Variants in TUT4 observed in about 807,000 individuals in gnomAD.
TUT4 encodes the protein terminal uridylyl transferase 4.
Under a neutral mutation model 192.2 loss-of-function variants are expected in TUT4, and 36 were observed. The ratio of observed to expected loss-of-function variants is 0.19; its 90% CI spans 0.14 to 0.25. The LOEUF is 0.25. TUT4 is among the 10% of genes least tolerant of loss of function. The pLI is 1.00. For missense variants in TUT4, 1,493 were observed against 1,957.2 expected, an observed-to-expected ratio of 0.76 and a Z score of 4.47; for synonymous variants, 618 against 666.0, an observed-to-expected ratio of 0.93 and a Z score of 1.11.
At chr1:52,447,722 A>C (rs1570380237) in intron 20 of TUT4, among the ~76,000 whole-genome samples, 1 of 152,156 alleles carries the variant, frequency 6.6e-6, no homozygotes, top group Non-Finnish European at 1.5e-5. Context: ...CAGTCAGGAG[A>C]CCTAATTTCT....
upstream of TUT4, chr1:52,553,293 CTCCCT>C (rs1689954272): frequency 1.6e-4 from 24 of 147,582 alleles, no homozygotes; most frequent in Admixed American, 1.6e-3. Context: ...GGGGTGCCCC[CTCCCT>C]TCGTTCGGGG....
Position 52,457,470 on chromosome 1 carries a change from G to A in TUT4, c.3435+866C>T, listed in dbSNP as rs539949391. On this transcript the variant is annotated intron_variant, in intron 20 of 29. Transcript: ENST00000257177. ...AGGATGGTCTCGATCTCTTGACCTCGTGATCTGCCCGCCTCGGCCTCCCAA... is the reference window on the plus strand; with the variant it reads ...AGGATGGTCTCGATCTCTTGACCTCATGATCTGCCCGCCTCGGCCTCCCAA... Among the ~76,000 whole-genome samples, 3 of 152,138 alleles carry A rather than the reference G, an allele frequency of 2.0e-5. No individual in the cohort carries two copies. In the South Asian group the frequency reaches 6.2e-4, roughly 32 times the overall value.
intron 2 of TUT4, among the ~76,000 whole-genome samples, chr1:52,519,814 T>C (rs1181020436): frequency 6.6e-6 from 1 of 152,082 alleles, no homozygotes; most frequent in African/African-American, 2.4e-5. Flanking sequence ...TGGCCTTGAA[T>C]ACTTAGATTT....
chr1:52,428,670 A>C (rs1570099179), intron 28 of TUT4, among the ~76,000 whole-genome samples: 2 of 148,856 alleles, frequency 1.3e-5, no homozygotes, highest in South Asian at 4.3e-4. Flanking sequence ...GGTGGTGCGC[A>C]CCTGTAGTCT....
chr1:52,513,296 GGA>G (rs1290084714), intron 3 of TUT4, among the ~76,000 whole-genome samples: 36 of 150,180 alleles, frequency 2.4e-4, no homozygotes, highest in African/African-American at 6.9e-4. Flanking sequence ...AAGCTACTCG[GGA>G]GACTTAGGTA....
At chr1:52,522,096 A>C (rs893509050) in intron 2 of TUT4, among the ~76,000 whole-genome samples, 26 of 152,358 alleles carry the variant, frequency 1.7e-4, no homozygotes, top group South Asian at 1.2e-3. Context: ...AAGAAGTGCT[A>C]AACAATTACG....
intron 9 of TUT4, among the ~76,000 whole-genome samples, chr1:52,482,534 G>C (rs1668740335): frequency 6.6e-6 from 1 of 152,112 alleles, no homozygotes; most frequent in South Asian, 2.1e-4. Flanking sequence ...CAACCTCCCA[G>C]CCTCAAGTGA....
chr1:52,478,598 T>C (rs17107240), intron 11 of TUT4, among the ~76,000 whole-genome samples: 1,753 of 152,284 alleles, frequency 0.012, 34 homozygotes, highest in African/African-American at 0.04. Context: ...CCCTATACTA[T>C]ACTGCCACCT....
chr1:52,528,482 C>T (rs186072836), intron 1 of TUT4, among the ~76,000 whole-genome samples: 106 of 145,664 alleles, frequency 7.3e-4, no homozygotes, highest in African/African-American at 2.6e-3. Context: ...CAGAGTGAGA[C>T]CCTGTCTCAA....
intron 1 of TUT4, among the ~76,000 whole-genome samples, chr1:52,541,349 T>G (rs1274054029): frequency 6.6e-6 from 1 of 152,078 alleles, no homozygotes; most frequent in Non-Finnish European, 1.5e-5. Context: ...CTGGCCAATG[T>G]GGTGAAACCC....
chr1:52,437,993 A>C (rs186859366), intron 25 of TUT4, among the ~76,000 whole-genome samples: 27 of 152,174 alleles, frequency 1.8e-4, no homozygotes, highest in African/African-American at 6.0e-4. Flanking sequence ...AAAACAAAAA[A>C]AAACTGAGTG....
At chr1:52,434,443 GT>G (rs1219020270) in intron 27 of TUT4, 1 of 152,188 alleles carries the variant, frequency 6.6e-6, no homozygotes, top group Non-Finnish European at 1.5e-5. Flanking sequence ...TGAATATTAT[GT>G]CAGATTTAGA....
chr1:52,480,183 C>T (rs1393403545), intron 11 of TUT4, among the ~76,000 whole-genome samples: 4 of 151,734 alleles, frequency 2.6e-5, no homozygotes, highest in Non-Finnish European at 5.9e-5. Context: ...AATGTACATA[C>T]ACAAGAAAAA....
At chr1:52,451,776 G>A (rs1557692329) in intron 20 of TUT4, among the ~76,000 whole-genome samples, 1 of 151,290 alleles carries the variant, frequency 6.6e-6, no homozygotes, top group Non-Finnish European at 1.5e-5. Flanking sequence ...CCAGGAGGCG[G>A]AGATTGCAGT....
chr1:52,468,058 TG>T (rs1426795576), intron 15 of TUT4, 122 bp downstream of exon 15: 1 of 695,896 alleles, frequency 1.4e-6, no homozygotes, highest in African/African-American at 1.9e-5. Flanking sequence ...TTATTAGCAC[TG>T]TATTCCCAGC....
At position 52,494,625 on chromosome 1, in the gene TUT4, G is replaced by A. The variant is rs983836714; in HGVS notation, c.1266+802C>T. ...GAGAATCGCTTGAACCCAGGAGGTG[G>A]AGGGTGCAGTCAGCCGAGACTGCAT... On this transcript the variant is annotated intron_variant, in intron 6 of 29. Transcript: ENST00000257177. Among the ~76,000 whole-genome samples the A allele has an allele frequency of 7.9e-5, 12 of 152,292 alleles. No individual in the cohort carries two copies. In the South Asian group the frequency reaches 1.0e-3, roughly 13 times the overall value.
intron 7 of TUT4, among the ~76,000 whole-genome samples, chr1:52,491,498 G>T (rs1244712223): frequency 6.6e-6 from 1 of 152,066 alleles, no homozygotes; most frequent in African/African-American, 2.4e-5. Flanking sequence ...GACCAGCCTG[G>T]CCAAGATGGT....
At chr1:52,488,349 T>A (rs1670309411) in intron 9 of TUT4, among the ~76,000 whole-genome samples, 1 of 152,232 alleles carries the variant, frequency 6.6e-6, no homozygotes, top group African/African-American at 2.4e-5. Context: ...CTGATATTGA[T>A]AATTAACTAC....
At chr1:52,428,335 CA>C (rs1298309229) in intron 28 of TUT4, among the ~76,000 whole-genome samples, 1 of 151,686 alleles carries the variant, frequency 6.6e-6, no homozygotes, top group Non-Finnish European at 1.5e-5. Flanking sequence ...ACTAAAAATA[CA>C]AAAATTAGGG....
Sources: allele counts gnomAD v4.1 joint callset (sites outside exome capture counted in the v4.1 genomes callset), GRCh38; gene constraint gnomAD v4.1.1; transcripts MANE v1.5; gene names NCBI Gene and HGNC (gene_info 2026-07-23, HGNC 2026-07-21).